The following ANKRD30B variants were observed in gnomAD, a reference collection of about 807,000 sequenced individuals.
ANKRD30B encodes the protein ankyrin repeat domain-containing protein 30B.
Under a neutral mutation model 202.2 loss-of-function variants are expected in ANKRD30B, and 144 were observed. That is an observed-to-expected ratio of 0.71 (90% CI 0.62 to 0.82). The LOEUF (loss-of-function observed/expected upper bound fraction) is 0.82, where lower values mean the gene tolerates loss of function less well. Among genes scored for constraint, ANKRD30B ranks in the 40% least tolerant of loss-of-function variants. The pLI is 0.00. For missense variants in ANKRD30B, 1,487 were observed against 1,669.1 expected, an observed-to-expected ratio of 0.89 and a Z score of 1.90; for synonymous variants, 508 against 561.3, an observed-to-expected ratio of 0.91 and a Z score of 1.34.
chr18:14,817,404 C>G (rs1284684095), intron 30 of ANKRD30B, among the ~76,000 whole-genome samples: 1 of 152,150 alleles, frequency 6.6e-6, no homozygotes, highest in Admixed American at 6.5e-5. Flanking sequence ...AGGCAGTATT[C>G]CCCTGCTTCC....
chr18:14,861,191 G>T, the ANKRD30B span, among the ~76,000 whole-genome samples: 1 of 152,160 alleles, frequency 6.6e-6, no homozygotes, highest in African/African-American at 2.4e-5. Flanking sequence ...AATACAAAAT[G>T]TACAGAACCT....
intron 20 of ANKRD30B, 58 bp downstream of exon 20, chr18:14,797,912 G>C: frequency 7.1e-7 from 1 of 1,403,202 alleles, no homozygotes; most frequent in Non-Finnish European, 9.6e-7. Flanking sequence ...TATTTGAAAT[G>C]CCAAGAGCCT....
intron 24 of ANKRD30B, among the ~76,000 whole-genome samples, chr18:14,807,224 A>G (rs1412474385): frequency 6.6e-5 from 10 of 151,026 alleles, no homozygotes; most frequent in African/African-American, 2.4e-4. Flanking sequence ...GTAGAGAAAA[A>G]TGAGAGATTA....
chr18:14,902,392 G>A, the ANKRD30B span, among the ~76,000 whole-genome samples: 4 of 152,274 alleles, frequency 2.6e-5, no homozygotes, highest in East Asian at 7.7e-4. Flanking sequence ...CAAAATCTGA[G>A]GGTGAATTGT....
chr18:14,806,910 AG>A (rs1348308038), intron 24 of ANKRD30B, among the ~76,000 whole-genome samples: 4 of 150,992 alleles, frequency 2.6e-5, no homozygotes, highest in Admixed American at 2.6e-4. Flanking sequence ...AGGTTTCTTC[AG>A]TGCTTCAGAA....
At chr18:14,931,613 C>T in the ANKRD30B span, among the ~76,000 whole-genome samples, 1 of 152,130 alleles carries the variant, frequency 6.6e-6, no homozygotes, top group African/African-American at 2.4e-5. Flanking sequence ...GTGTGGGAGG[C>T]TCCAGGAAGG....
At chr18:14,794,313 C>G (rs1968728731) in intron 16 of ANKRD30B, among the ~76,000 whole-genome samples, 1 of 151,478 alleles carries the variant, frequency 6.6e-6, no homozygotes, top group African/African-American at 2.4e-5. Flanking sequence ...TTCCTAAATG[C>G]CAAGTGATAA....
At chr18:14,932,494 G>A in the ANKRD30B span, among the ~76,000 whole-genome samples, 3 of 152,076 alleles carry the variant, frequency 2.0e-5, no homozygotes, top group Admixed American at 6.5e-5. Flanking sequence ...CCGCCACCGC[G>A]CCCGGCTAAC....
At chr18:14,791,336 A>C in intron 15 of ANKRD30B, 65 bp from the exon 16 acceptor site, 2 of 1,373,842 alleles carry the variant, frequency 1.5e-6, no homozygotes, top group Non-Finnish European at 2.0e-6. Context: ...TAGTTAGAAA[A>C]TTTTGATACT....
intron 39 of ANKRD30B, among the ~76,000 whole-genome samples, chr18:14,844,680 G>A (rs776057650): frequency 2.6e-5 from 4 of 152,160 alleles, no homozygotes; most frequent in Non-Finnish European, 4.4e-5. Flanking sequence ...CAATGGTTGA[G>A]CGAGTTTACA....
At chr18:14,821,621 A>G (rs1000985723) in intron 30 of ANKRD30B, among the ~76,000 whole-genome samples, 1 of 152,036 alleles carries the variant, frequency 6.6e-6, no homozygotes, top group African/African-American at 2.4e-5. Context: ...CCATACCTGG[A>G]TGATTTTTGT....
At chr18:14,876,328 T>G in the ANKRD30B span, among the ~76,000 whole-genome samples, 1 of 152,198 alleles carries the variant, frequency 6.6e-6, no homozygotes, top group Non-Finnish European at 1.5e-5. Flanking sequence ...TCATCCTTGT[T>G]GAGTAAGTAA....
chr18:14,809,570 G>A (rs1416784979), intron 26 of ANKRD30B, among the ~76,000 whole-genome samples: 1 of 150,676 alleles, frequency 6.6e-6, no homozygotes, highest in Non-Finnish European at 1.5e-5. Flanking sequence ...TCTCCACAAG[G>A]GTAGCATTCC....
At chr18:14,914,398 T>C in the ANKRD30B span, among the ~76,000 whole-genome samples, 1 of 152,196 alleles carries the variant, frequency 6.6e-6, no homozygotes, top group African/African-American at 2.4e-5. Flanking sequence ...CTGCTTTAAC[T>C]GTTATTGAGC....
chr18:14,797,175 A>G (rs1968960974), intron 18 of ANKRD30B, among the ~76,000 whole-genome samples: 1 of 152,104 alleles, frequency 6.6e-6, no homozygotes, highest in African/African-American at 2.4e-5. Context: ...AGATGAGGGC[A>G]TTCATAGCAC....
chr18:14,869,488 TAA>T, the ANKRD30B span, among the ~76,000 whole-genome samples: 5 of 152,152 alleles, frequency 3.3e-5, no homozygotes, highest in African/African-American at 1.2e-4. Context: ...CATTAAAAGT[TAA>T]GATGTCATAA....
At chr18:14,876,884 C>T in the ANKRD30B span, among the ~76,000 whole-genome samples, 2 of 152,202 alleles carry the variant, frequency 1.3e-5, no homozygotes, top group Admixed American at 6.5e-5. Flanking sequence ...CTAGCTGGAT[C>T]TCTGTCACGC....
the ANKRD30B span, among the ~76,000 whole-genome samples, chr18:14,910,994 G>C: frequency 6.6e-6 from 1 of 151,998 alleles, no homozygotes; most frequent in Non-Finnish European, 1.5e-5. Context: ...TCATTGAACT[G>C]TTTGAGTTTC....
At chr18:14,860,109 T>A in the ANKRD30B span, among the ~76,000 whole-genome samples, 1 of 136,614 alleles carries the variant, frequency 7.3e-6, no homozygotes, top group African/African-American at 2.8e-5. Context: ...ACTCCTCACT[T>A]CCCAGATGGG....
Sources: allele counts gnomAD v4.1 joint callset (sites outside exome capture counted in the v4.1 genomes callset), GRCh38; gene constraint gnomAD v4.1.1; transcripts MANE v1.5; gene names NCBI Gene and HGNC (gene_info 2026-07-23, HGNC 2026-07-21).